Variants in LAMB4 observed in about 807,000 individuals in gnomAD.
LAMB4 encodes the protein laminin subunit beta 4.
In LAMB4, 196 loss-of-function variants were observed where a neutral mutation model predicts 199.2. The ratio of observed to expected loss-of-function variants is 0.98; its 90% confidence interval spans 0.88 to 1.11. The LOEUF (loss-of-function observed/expected upper bound fraction) is 1.11. Ranked by LOEUF, LAMB4 falls within the 50% of genes least tolerant of loss-of-function variation. The probability of loss-of-function intolerance (pLI) is 0.00; values close to 1 mark genes in which losing one functional copy is unlikely to be tolerated. For missense variants in LAMB4, 2,080 were observed against 2,171.2 expected, an observed-to-expected ratio of 0.96 and a Z score of 0.83; for synonymous variants, 744 against 770.6, an observed-to-expected ratio of 0.97 and a Z score of 0.57.
At chr7:108,043,375 AATTCTAGCATTTGTT>A (rs1359438948) in intron 29 of LAMB4, among the ~76,000 whole-genome samples, 3 of 152,018 alleles carry the variant, frequency 2.0e-5, no homozygotes. Flanking sequence ...ATTTTAACTA[AATTCTAGCATTTGTT>A]ACCACATTTA....
intron 3 of LAMB4, among the ~76,000 whole-genome samples, chr7:108,115,660 C>T: frequency 6.6e-6 from 1 of 152,236 alleles, no homozygotes; most frequent in African/African-American, 2.4e-5. Context: ...AAAAAGAACA[C>T]ATTTTAAGAT....
At chr7:108,087,409 C>A (rs1269187559) in intron 14 of LAMB4, among the ~76,000 whole-genome samples, 2 of 152,214 alleles carry the variant, frequency 1.3e-5, no homozygotes, top group African/African-American at 2.4e-5. Context: ...CTCCAACATA[C>A]TCATTTGTGC....
At chr7:108,044,011 A>C in intron 28 of LAMB4, 115 bp from the exon 29 acceptor site, 2 of 815,364 alleles carry the variant, frequency 2.5e-6, no homozygotes, top group Non-Finnish European at 1.9e-6. Flanking sequence ...AAACTAAATA[A>C]AAGTCTAGAT....
intron 9 of LAMB4, among the ~76,000 whole-genome samples, chr7:108,103,579 T>C (rs147852524): frequency 6.6e-6 from 1 of 152,348 alleles, no homozygotes; most frequent in East Asian, 1.9e-4. Context: ...TTATGCTTTG[T>C]GCAACTGAAA....
At chr7:108,034,690 A>G (rs768698104) in intron 30 of LAMB4, among the ~76,000 whole-genome samples, 10 of 152,202 alleles carry the variant, frequency 6.6e-5, no homozygotes, top group Non-Finnish European at 8.8e-5. Flanking sequence ...AATGTAAGCT[A>G]CACTTTCTCA....
Position 108,043,826 on chromosome 7 carries a change from T to C in LAMB4, c.4397A>G (p.Asn1466Ser), listed in dbSNP as rs770751072. The C allele has an allele frequency of 1.2e-6, 2 of 1,609,304 alleles. No homozygotes were observed. Among genetic ancestry groups the C allele is most frequent in the Non-Finnish European group, 1.7e-6 (2 of 1,177,344 alleles). Residue 1466 changes from asparagine (N) to serine (S), a missense_variant, in exon 29 of 34, where the codon AAT becomes AGT. Coordinates refer to ENST00000388781, the MANE Select transcript of LAMB4 (RefSeq NM_007356.3). ...TTCAGAGTCACTTTGGTTTCTTATA[T>C]TTCCCAGTTTTTCCCTCAGCTGTAA... is the stretch of plus-strand genomic sequence containing the variant. Reference protein sequence around the residue: ...NALQLREKLGNIRNQSDSEEE... With the variant: ...NALQLREKLGSIRNQSDSEEE...
At chr7:108,082,316 C>A (rs945122306) in intron 14 of LAMB4, among the ~76,000 whole-genome samples, 2 of 129,306 alleles carry the variant, frequency 1.5e-5, no homozygotes, top group Non-Finnish European at 3.1e-5. Flanking sequence ...GGCGAAAGAG[C>A]GAGACTCCGT....
At chr7:108,086,401 C>T (rs1004564207) in intron 14 of LAMB4, among the ~76,000 whole-genome samples, 1 of 152,278 alleles carries the variant, frequency 6.6e-6, no homozygotes, top group Non-Finnish European at 1.5e-5. Context: ...TCATCTGCTT[C>T]CAGGAACCCA....
At chr7:108,109,354 G>T in intron 4 of LAMB4, 110 bp from the exon 5 acceptor site, 1 of 782,676 alleles carries the variant, frequency 1.3e-6, no homozygotes, top group Non-Finnish European at 2.2e-6. Context: ...GATGCCACAA[G>T]GCTGACGATC....
chr7:108,035,960 A>G (rs1276406726), intron 30 of LAMB4, among the ~76,000 whole-genome samples: 5 of 151,118 alleles, frequency 3.3e-5, no homozygotes, highest in Non-Finnish European at 7.4e-5. Flanking sequence ...TTCAAGTTCA[A>G]TCAGTTCTCT....
intron 17 of LAMB4, among the ~76,000 whole-genome samples, chr7:108,071,178 C>T (rs2036521177): frequency 1.3e-5 from 2 of 152,266 alleles, no homozygotes; most frequent in Admixed American, 1.3e-4. Flanking sequence ...ATTCCTCTTG[C>T]CACTGCCCCT....
At chr7:108,105,081 T>A (rs2037954800) in intron 8 of LAMB4, among the ~76,000 whole-genome samples, 1 of 152,206 alleles carries the variant, frequency 6.6e-6, no homozygotes, top group Non-Finnish European at 1.5e-5. Flanking sequence ...AGAGAAGCTC[T>A]GTTTCCAGTG....
intron 30 of LAMB4, among the ~76,000 whole-genome samples, chr7:108,034,920 T>TA (rs2035169370): frequency 6.6e-6 from 1 of 152,286 alleles, no homozygotes; most frequent in Admixed American, 6.5e-5. Flanking sequence ...ACCAAATACT[T>TA]AGATCTGTGG....
At chr7:108,030,734 C>G (rs2150485559) in intron 32 of LAMB4, 72 bp downstream of exon 32, 1 of 1,436,416 alleles carries the variant, frequency 7.0e-7, no homozygotes, top group Non-Finnish European at 9.7e-7. Flanking sequence ...GCACAAAAAT[C>G]TGGGGTTAAA....
intron 3 of LAMB4, among the ~76,000 whole-genome samples, chr7:108,114,159 A>G (rs1246864070): frequency 6.6e-6 from 1 of 152,200 alleles, no homozygotes; most frequent in Admixed American, 6.5e-5. Flanking sequence ...GCGGTGGCTC[A>G]TGCCTGTAAT....
rs2034749489 is a variant in LAMB4 at position 108,024,012 on chromosome 7, G to C, written c.*27C>G. On this transcript the variant is annotated 3_prime_UTR_variant, in exon 34 of 34. Transcript: ENST00000388781. ...TGTACATCAGAAACCAGAAACAAAGGCACAAGCTTTTGCTCTTTAACTCTG... is the reference window on the plus strand; with the variant it reads ...TGTACATCAGAAACCAGAAACAAAGCCACAAGCTTTTGCTCTTTAACTCTG... 1.3e-6 allele frequency: 2 copies of C among 1,575,564 alleles called. No homozygotes were observed. The highest frequency in any genetic ancestry group is 8.6e-7 in the Non-Finnish European group (1 of 1,165,852).
At chr7:108,061,092 C>T (rs2036144793) in intron 23 of LAMB4, among the ~76,000 whole-genome samples, 2 of 152,080 alleles carry the variant, frequency 1.3e-5, no homozygotes, top group Non-Finnish European at 2.9e-5. Context: ...ACCTATAAAC[C>T]CAGTCTAATC....
At position 108,120,015 on chromosome 7, in the gene LAMB4, C is replaced by T. The variant is rs1379306678; in HGVS notation, c.34+3116G>A. 2.6e-5 allele frequency among the ~76,000 whole-genome samples: 4 copies of T among 152,160 alleles called. No individual in the cohort carries two copies. In the East Asian group the frequency reaches 7.7e-4, roughly 29 times the overall value. Reference sequence around the variant, plus strand: ...GATGGTAAACCAAGCAAATCCCAGACTCTAAAAATACACATGTGACATGTT... The same window carrying T: ...GATGGTAAACCAAGCAAATCCCAGATTCTAAAAATACACATGTGACATGTT... On this transcript the variant is annotated intron_variant, in intron 2 of 33. Coordinates refer to ENST00000388781, the MANE Select transcript of LAMB4 (RefSeq NM_007356.3).
At chr7:108,097,845 T>C (rs184238639) in intron 11 of LAMB4, among the ~76,000 whole-genome samples, 2 of 152,358 alleles carry the variant, frequency 1.3e-5, no homozygotes, top group South Asian at 2.1e-4. Flanking sequence ...AAAAAAACTT[T>C]TGCAACTTGG....
Sources: allele counts gnomAD v4.1 joint callset (sites outside exome capture counted in the v4.1 genomes callset), GRCh38; gene constraint gnomAD v4.1.1; transcripts MANE v1.5; gene names NCBI Gene and HGNC (gene_info 2026-07-23, HGNC 2026-07-21).